The following GALNTL6 variants were observed in gnomAD, a reference collection of about 807,000 sequenced individuals.
The protein encoded by GALNTL6 is polypeptide N-acetylgalactosaminyltransferase-like 6.
Under a neutral mutation model 73.7 loss-of-function variants are expected in GALNTL6, and 46 were observed. That is an observed-to-expected ratio of 0.62 (90% confidence interval 0.49 to 0.80). The LOEUF is 0.80. Ranked by LOEUF, GALNTL6 falls within the 30% of genes least tolerant of loss-of-function variation. The pLI, the probability that GALNTL6 is intolerant of heterozygous loss-of-function variation, is 0.00. For synonymous variants in GALNTL6, 259 were observed against 263.7 expected (o/e 0.98, Z 0.17); for missense variants, 604 against 755.0 (o/e 0.80, Z 2.34).
At chr4:173,022,070 G>GGAAGGAAGGAAGGAAGGAAA (rs1753021480) in intron 12 of GALNTL6, among the ~76,000 whole-genome samples, 1 of 70,084 alleles carries the variant, frequency 1.4e-5, no homozygotes. Flanking sequence ...AAGGAAGGAA[G>GGAAGGAAGGAAGGAAGGAAA]GAAGGAAGGA....
At chr4:171,820,942 A>G (rs1215722992) in intron 2 of GALNTL6, among the ~76,000 whole-genome samples, 1 of 152,182 alleles carries the variant, frequency 6.6e-6, no homozygotes, top group East Asian at 1.9e-4. Context: ...GAAAATTATA[A>G]TAATTTTGAA....
At chr4:172,297,915 G>A (rs986397482) in intron 3 of GALNTL6, among the ~76,000 whole-genome samples, 3 of 152,106 alleles carry the variant, frequency 2.0e-5, no homozygotes, top group African/African-American at 7.2e-5. Context: ...TGATGGGGAT[G>A]ACATTGAATC....
chr4:171,844,064 G>T, intron 2 of GALNTL6, among the ~76,000 whole-genome samples: 1 of 152,138 alleles, frequency 6.6e-6, no homozygotes, highest in East Asian at 1.9e-4. Context: ...TTATGATTGT[G>T]TTGTGAAATG....
chr4:172,532,785 GT>G (rs1207139274), intron 5 of GALNTL6, among the ~76,000 whole-genome samples: 1 of 152,026 alleles, frequency 6.6e-6, no homozygotes, highest in Non-Finnish European at 1.5e-5. Context: ...TTGTTTTTGT[GT>G]TTTGGCATCT....
intron 4 of GALNTL6, among the ~76,000 whole-genome samples, chr4:172,322,857 A>G (rs1205953788): frequency 6.6e-6 from 1 of 152,136 alleles, no homozygotes; most frequent in African/African-American, 2.4e-5. Context: ...AAAAAAAAAG[A>G]ATGAAGAAAA....
intron 5 of GALNTL6, chr4:172,380,205 A>G: frequency 9.9e-7 from 1 of 1,005,806 alleles, no homozygotes; most frequent in Non-Finnish European, 1.6e-6. Context: ...GCTGGGGACC[A>G]CTTACCTTTC....
At chr4:172,736,068 A>T (rs1736441782) in intron 5 of GALNTL6, among the ~76,000 whole-genome samples, 1 of 152,212 alleles carries the variant, frequency 6.6e-6, no homozygotes, top group Non-Finnish European at 1.5e-5. Flanking sequence ...GGCCAGGGTG[A>T]AACTAGAATT....
chr4:172,871,237 A>G (rs966613941), intron 7 of GALNTL6, among the ~76,000 whole-genome samples: 1 of 152,194 alleles, frequency 6.6e-6, no homozygotes, highest in Non-Finnish European at 1.5e-5. Context: ...AATAAAGATG[A>G]AAATAAAGCT....
intron 2 of GALNTL6, among the ~76,000 whole-genome samples, chr4:172,195,562 A>G (rs1402682444): frequency 2.0e-5 from 3 of 152,200 alleles, no homozygotes; most frequent in African/African-American, 7.2e-5. Context: ...AGCAAATGCA[A>G]AAGAACTGAA....
rs182327717 is a variant in GALNTL6 at position 171,888,991 on chromosome 4, A to G, written c.138+74273A>G. 1.4e-4 allele frequency among the ~76,000 whole-genome samples: 22 copies of G among 152,236 alleles called. 1 individual carries two copies. The highest frequency in any genetic ancestry group is 5.1e-4 in the African/African-American group (21 of 41,566). On this transcript the variant is annotated intron_variant, in intron 2 of 12. Coordinates refer to ENST00000506823, the MANE Select transcript of GALNTL6 (RefSeq NM_001034845.3). ...TTCAAAACAAAGAATTTCCTTCTTG[A>G]TCCACACTTCAAAGCCTTGCTACTT...
At chr4:172,104,208 G>C (rs779882051) in intron 2 of GALNTL6, among the ~76,000 whole-genome samples, 1 of 152,158 alleles carries the variant, frequency 6.6e-6, no homozygotes, top group African/African-American at 2.4e-5. Context: ...CTCCCAAAGT[G>C]CTGGGATTAC....
At chr4:172,285,196 C>T (rs1739203759) in intron 3 of GALNTL6, among the ~76,000 whole-genome samples, 1 of 152,062 alleles carries the variant, frequency 6.6e-6, no homozygotes, top group Admixed American at 6.6e-5. Flanking sequence ...AGGGATTTCT[C>T]ACTGCAAAAT....
chr4:171,843,530 A>C (rs1553963849), intron 2 of GALNTL6, among the ~76,000 whole-genome samples: 1 of 151,976 alleles, frequency 6.6e-6, no homozygotes, highest in Admixed American at 6.6e-5. Context: ...CTATTTTTCT[A>C]CTTCTTTTAT....
At chr4:172,666,406 G>A (rs1000709718) in intron 5 of GALNTL6, among the ~76,000 whole-genome samples, 1 of 152,120 alleles carries the variant, frequency 6.6e-6, no homozygotes, top group African/African-American at 2.4e-5. Context: ...AGCTAGGAAA[G>A]GCCATGAAGG....
intron 2 of GALNTL6, among the ~76,000 whole-genome samples, chr4:171,926,898 T>G (rs889746345): frequency 6.6e-5 from 10 of 152,164 alleles, no homozygotes; most frequent in Admixed American, 2.0e-4. Context: ...TTTTTTTGTA[T>G]GTTTAATTTT....
At chr4:171,977,976 T>C (rs1739772794) in intron 2 of GALNTL6, among the ~76,000 whole-genome samples, 1 of 152,164 alleles carries the variant, frequency 6.6e-6, no homozygotes, top group Admixed American at 6.6e-5. Context: ...TGGCAAAAAG[T>C]AATTGCAGTT....
intron 5 of GALNTL6, among the ~76,000 whole-genome samples, chr4:172,444,240 C>T (rs1159273941): frequency 6.6e-6 from 1 of 152,182 alleles, no homozygotes; most frequent in Non-Finnish European, 1.5e-5. Context: ...TCTTTTATGC[C>T]TTAAGTGATC....
chr4:173,034,163 C>T (rs1490123175), intron 12 of GALNTL6, among the ~76,000 whole-genome samples: 1 of 152,180 alleles, frequency 6.6e-6, no homozygotes, highest in African/African-American at 2.4e-5. Flanking sequence ...CTCCCTGGGT[C>T]ACCCCCAACT....
chr4:171,903,232 C>T (rs541195115), intron 2 of GALNTL6, among the ~76,000 whole-genome samples: 15 of 152,192 alleles, frequency 9.9e-5, no homozygotes, highest in African/African-American at 3.4e-4. Flanking sequence ...TCTGAGGTAC[C>T]GGGTTCATCT....
Sources: gnomAD v4.1 joint callset for allele counts (sites outside exome capture counted in the v4.1 genomes callset) on GRCh38, gnomAD v4.1.1 for gene constraint, MANE v1.5 for transcripts, NCBI Gene and HGNC (gene_info 2026-07-23, HGNC 2026-07-21) for gene names.